XIRP2: variants seen among roughly 807,000 people sequenced by gnomAD.
XIRP2 encodes the protein xin actin binding repeat containing 2.
A neutral mutation model predicts 277.0 loss-of-function variants in XIRP2; 236 were observed. The ratio of observed to expected loss-of-function variants is 0.85; its 90% confidence interval spans 0.77 to 0.95. The LOEUF (loss-of-function observed/expected upper bound fraction) is 0.95. Among genes scored for constraint, XIRP2 ranks in the 40% least tolerant of loss-of-function variants. The probability of loss-of-function intolerance (pLI) is 0.00; values close to 1 mark genes in which losing one functional copy is unlikely to be tolerated. For synonymous variants in XIRP2, 1,490 were observed against 1,416.5 expected (o/e 1.05, Z -1.17); for missense variants, 4,640 against 4,157.5 (o/e 1.12, Z -3.19).
intron 9 of XIRP2, 152 bp downstream of exon 9, chr2:167,252,099 T>C: frequency 8.3e-7 from 1 of 1,208,354 alleles, no homozygotes; most frequent in Non-Finnish European, 1.1e-6. Context: ...ATAGACTCTT[T>C]ATATGCTTGC....
At chr2:167,152,803 CCACT>C (rs1692055580) in intron 3 of XIRP2, among the ~76,000 whole-genome samples, 1 of 152,102 alleles carries the variant, frequency 6.6e-6, no homozygotes. Context: ...CCCAACTCCA[CCACT>C]CCAAGGAATC....
chr2:166,942,725 A>G (rs566473868), intron 2 of XIRP2, among the ~76,000 whole-genome samples: 6 of 152,278 alleles, frequency 3.9e-5, no homozygotes, highest in Admixed American at 3.9e-4. Flanking sequence ...TTCATCAAAA[A>G]TTTCTGTTTT....
intron 3 of XIRP2, among the ~76,000 whole-genome samples, chr2:167,160,671 G>C (rs1278621096): frequency 6.6e-6 from 1 of 152,102 alleles, no homozygotes; most frequent in Non-Finnish European, 1.5e-5. Context: ...GCCTCCCACT[G>C]GGTCCCTTCC....
chr2:167,248,968 G>C lies in XIRP2; in HGVS notation c.7576G>C (p.Glu2526Gln), dbSNP rs748416491. 6 of 1,613,716 alleles carry C rather than the reference G, an allele frequency of 3.7e-6. 1 individual carries two copies. Among genetic ancestry groups the C allele is most frequent in the Non-Finnish European group, 5.1e-6 (6 of 1,179,800 alleles). The change falls in exon 9 of 11, where the codon GAG becomes CAG. Residue 2526 changes from glutamate to glutamine, a missense_variant. By Grantham distance (29) the Glu-to-Gln change is conservative. Transcript: ENST00000409195. ...TCTTATAAAATCTCATTCATTTCCA[G>C]AGAGTTCAGGACAACAAAATCCAAA... ...APLIKSHSFP[E>Q]SSGQQNPKPY...
intron 3 of XIRP2, among the ~76,000 whole-genome samples, chr2:167,201,245 A>G (rs1406499157): frequency 0.018 from 1,851 of 102,898 alleles, 38 homozygotes; most frequent in East Asian, 0.058. Context: ...AAAGAAAGAA[A>G]GAAAGAAAGA....
rs756509896 is a variant in XIRP2 at position 167,218,238 on chromosome 2, A to G, written c.796A>G (p.Ile266Val). ...GGTGAAGAAACAATTTGAGGACGAA[A>G]TTACTTCTTCCCGTAATACCTTTGC... ...AKVKKQFEDE[I>V]TSSRNTFAQY... The change falls in exon 5 of 11, where the codon ATT becomes GTT. Residue 266 changes from isoleucine to valine, a missense_variant. Ile to Val is a conservative substitution (Grantham distance 29). Transcript: ENST00000409195. The G allele has an allele frequency of 6.2e-7, 1 of 1,608,744 alleles. No individual in the cohort carries two copies. Among genetic ancestry groups the G allele is most frequent in the Non-Finnish European group, 8.5e-7 (1 of 1,177,680 alleles).
At chr2:166,913,297 A>T (rs1684763419) in intron 2 of XIRP2, among the ~76,000 whole-genome samples, 1 of 129,838 alleles carries the variant, frequency 7.7e-6, no homozygotes, top group Non-Finnish European at 1.6e-5. Context: ...CTTAAGCCTC[A>T]GCAATGGTGG....
chr2:167,100,491 C>T (rs1020229400), intron 2 of XIRP2, among the ~76,000 whole-genome samples: 1 of 152,164 alleles, frequency 6.6e-6, no homozygotes. Flanking sequence ...CCACCAAATC[C>T]TCCTTGATAG....
Position 167,146,268 on chromosome 2 carries a change from G to A in XIRP2, c.562+10206G>A, listed in dbSNP as rs1412707626. 7.9e-5 allele frequency among the ~76,000 whole-genome samples: 12 copies of A among 152,140 alleles called. 1 individual carries two copies. The South Asian group carries it at 2.5e-3, about 32-fold the overall frequency. ...TAATCCCAGCATTTTGGGAGGCTGAGGCAGGTGGATCACTTGAGGTCAGGA... is the reference window on the plus strand; with the variant it reads ...TAATCCCAGCATTTTGGGAGGCTGAAGCAGGTGGATCACTTGAGGTCAGGA... On this transcript the variant is annotated intron_variant, in intron 3 of 10. Coordinates refer to ENST00000409195, the MANE Select transcript of XIRP2 (RefSeq NM_152381.6).
chr2:167,063,848 A>G (rs1217663192), intron 2 of XIRP2, among the ~76,000 whole-genome samples: 1 of 151,650 alleles, frequency 6.6e-6, no homozygotes, highest in East Asian at 1.9e-4. Context: ...AACAATATAT[A>G]AACAATATAT....
At chr2:167,124,923 G>A (rs147866180) in intron 2 of XIRP2, among the ~76,000 whole-genome samples, 10 of 152,224 alleles carry the variant, frequency 6.6e-5, no homozygotes, top group Admixed American at 4.6e-4. Context: ...GATCAGACTG[G>A]TGGAACCCAC....
At chr2:167,021,596 C>T (rs1687984112) in intron 2 of XIRP2, among the ~76,000 whole-genome samples, 1 of 151,996 alleles carries the variant, frequency 6.6e-6, no homozygotes, top group Non-Finnish European at 1.5e-5. Context: ...TGTCTGGAAT[C>T]CCAGCACTTT....
intron 2 of XIRP2, among the ~76,000 whole-genome samples, chr2:167,094,346 T>G (rs1429561984): frequency 6.6e-6 from 1 of 152,212 alleles, no homozygotes; most frequent in African/African-American, 2.4e-5. Context: ...AATTTTGGCT[T>G]TTGTTGCAGT....
At chr2:166,977,221 C>G (rs1686738473) in intron 2 of XIRP2, among the ~76,000 whole-genome samples, 1 of 152,032 alleles carries the variant, frequency 6.6e-6, no homozygotes, top group Non-Finnish European at 1.5e-5. Context: ...ATTTGTCTTG[C>G]TTGAACTTTG....
At chr2:167,201,831 T>C (rs1693729644) in intron 3 of XIRP2, among the ~76,000 whole-genome samples, 1 of 152,164 alleles carries the variant, frequency 6.6e-6, no homozygotes, top group African/African-American at 2.4e-5. Context: ...TACCTTGAAA[T>C]AAAAATGTTA....
At chr2:167,072,351 A>ATC (rs1689457735) in intron 2 of XIRP2, among the ~76,000 whole-genome samples, 1 of 152,172 alleles carries the variant, frequency 6.6e-6, no homozygotes, top group Admixed American at 6.5e-5. Flanking sequence ...TCAAGTTAGT[A>ATC]TAATAGCTAT....
At chr2:167,070,909 C>A (rs541674753) in intron 2 of XIRP2, among the ~76,000 whole-genome samples, 2 of 152,282 alleles carry the variant, frequency 1.3e-5, no homozygotes, top group South Asian at 4.1e-4. Flanking sequence ...GAGAGTTTAT[C>A]TGTTGACATC....
At chr2:166,893,439 G>A (rs1463157953) in intron 1 of XIRP2, among the ~76,000 whole-genome samples, 2 of 151,920 alleles carry the variant, frequency 1.3e-5, no homozygotes, top group African/African-American at 4.8e-5. Context: ...ATTCCTTTCT[G>A]CGTATCTCTT....
intron 2 of XIRP2, among the ~76,000 whole-genome samples, chr2:167,035,147 C>T (rs1239608226): frequency 2.0e-5 from 3 of 152,172 alleles, no homozygotes; most frequent in East Asian, 3.9e-4. Context: ...ATGTCTTGAT[C>T]AGCAGCATGA....
Sources: allele counts gnomAD v4.1 joint callset (sites outside exome capture counted in the v4.1 genomes callset), GRCh38; gene constraint gnomAD v4.1.1; transcripts MANE v1.5; gene names NCBI Gene and HGNC (gene_info 2026-07-23, HGNC 2026-07-21).